The following SHISA9 variants were observed in gnomAD, a reference collection of about 807,000 sequenced individuals.
SHISA9 encodes the protein protein shisa-9.
In SHISA9, 13 loss-of-function variants were observed where a neutral mutation model predicts 38.0. That is an observed-to-expected ratio of 0.34 (90% CI 0.22 to 0.54). The LOEUF is 0.54. SHISA9 is among the 20% of genes least tolerant of loss of function. The pLI, the probability that SHISA9 is intolerant of heterozygous loss-of-function variation, is 0.91. For synonymous variants in SHISA9, 275 were observed against 242.0 expected, an observed-to-expected ratio of 1.14 and a Z score of -1.27; for missense variants, 538 against 575.8, an observed-to-expected ratio of 0.93 and a Z score of 0.67.
chr16:13,258,296 A>G, the SHISA9 span: 4 of 152,218 alleles, frequency 2.6e-5, no homozygotes, highest in African/African-American at 9.6e-5. Flanking sequence ...GGTCACAGCC[A>G]TTTGTTAACT....
At chr16:13,472,532 C>T in the SHISA9 span, among the ~76,000 whole-genome samples, 2 of 151,596 alleles carry the variant, frequency 1.3e-5, no homozygotes, top group East Asian at 1.9e-4. Context: ...GCTGGGACTA[C>T]AGGCACCCGC....
At chr16:13,437,977 C>T in the SHISA9 span, among the ~76,000 whole-genome samples, 10 of 135,976 alleles carry the variant, frequency 7.4e-5, no homozygotes, top group South Asian at 1.7e-3. Context: ...GCCATTTTCC[C>T]GTCTCAGCCT....
At chr16:13,083,703 G>A (rs558703842) in intron 2 of SHISA9, among the ~76,000 whole-genome samples, 2 of 152,252 alleles carry the variant, frequency 1.3e-5, no homozygotes, top group East Asian at 3.9e-4. Context: ...CATTGACTAT[G>A]GGCTGCCTTG....
intron 2 of SHISA9, among the ~76,000 whole-genome samples, chr16:12,976,500 C>T (rs1023817442): frequency 3.3e-5 from 5 of 152,132 alleles, no homozygotes; most frequent in African/African-American, 1.2e-4. Flanking sequence ...CTGAGCATTG[C>T]TTTCTGACTA....
chr16:13,183,007 G>C (rs923943117), intron 2 of SHISA9, among the ~76,000 whole-genome samples: 2 of 152,032 alleles, frequency 1.3e-5, no homozygotes, highest in African/African-American at 4.8e-5. Context: ...TAGGGCTGTT[G>C]GCTGGAACAT....
the SHISA9 span, among the ~76,000 whole-genome samples, chr16:13,255,037 C>T: frequency 1.3e-5 from 2 of 151,968 alleles, no homozygotes; most frequent in Non-Finnish European, 2.9e-5. Context: ...TTCTTCTTTG[C>T]TCCTCTATCT....
At chr16:13,481,312 TG>T in the SHISA9 span, among the ~76,000 whole-genome samples, 53,217 of 152,092 alleles carry the variant, frequency 0.35, 10,445 homozygotes, top group South Asian at 0.55. Flanking sequence ...CATTTCTATA[TG>T]TTGGGTACAT....
At position 13,170,742 on chromosome 16, in the gene SHISA9, C is replaced by T. The variant is rs541524194; in HGVS notation, c.692-32652C>T. ...TGCCATCTCGGCTCACTGCAACCTC[C>T]ACCTCCTGAGTTCAAGCCATTTTCC... On this transcript the variant is annotated intron_variant, in intron 2 of 4. Coordinates refer to ENST00000558583, the MANE Select transcript of SHISA9 (RefSeq NM_001145204.3). Among the ~76,000 whole-genome samples the T allele has an allele frequency of 2.6e-3, 396 of 152,230 alleles. 3 individuals are homozygous for T. The highest frequency in any genetic ancestry group is 9.0e-3 in the African/African-American group (373 of 41,538).
chr16:13,003,868 TAATA>T (rs199590955), intron 2 of SHISA9, among the ~76,000 whole-genome samples: 15,584 of 136,070 alleles, frequency 0.11, 1,223 homozygotes, highest in African/African-American at 0.24. Context: ...AAAATAATAA[TAATA>T]ATAATAATAA....
the SHISA9 span, among the ~76,000 whole-genome samples, chr16:13,392,139 C>T: frequency 6.6e-6 from 1 of 152,118 alleles, no homozygotes; most frequent in Non-Finnish European, 1.5e-5. Flanking sequence ...GTACCTCGAA[C>T]ATCCTAAATA....
chr16:13,301,528 G>A, the SHISA9 span, among the ~76,000 whole-genome samples: 1 of 152,206 alleles, frequency 6.6e-6, no homozygotes, highest in African/African-American at 2.4e-5. Flanking sequence ...ATGCACAGGT[G>A]AAGATTTTTA....
At chr16:12,992,565 A>G (rs576936795) in intron 2 of SHISA9, among the ~76,000 whole-genome samples, 4 of 151,940 alleles carry the variant, frequency 2.6e-5, no homozygotes, top group Non-Finnish European at 5.9e-5. Context: ...AAAAAACCCA[A>G]AACAAAAATA....
chr16:13,534,522 G>C, the SHISA9 span, among the ~76,000 whole-genome samples: 5 of 152,136 alleles, frequency 3.3e-5, no homozygotes, highest in African/African-American at 1.2e-4. Context: ...ACCATGCCAG[G>C]CCCACAGAAT....
At chr16:13,434,297 C>T in the SHISA9 span, among the ~76,000 whole-genome samples, 1 of 152,200 alleles carries the variant, frequency 6.6e-6, no homozygotes, top group Non-Finnish European at 1.5e-5. Flanking sequence ...AGTCCACTGA[C>T]TCAGATGTTC....
intron 2 of SHISA9, among the ~76,000 whole-genome samples, chr16:13,151,141 C>CTG (rs2050495599): frequency 6.6e-6 from 1 of 152,192 alleles, no homozygotes; most frequent in Non-Finnish European, 1.5e-5. Context: ...GAGTCTTGCT[C>CTG]TGTCACCCAG....
chr16:13,029,249 T>C (rs906741143), intron 2 of SHISA9, among the ~76,000 whole-genome samples: 1 of 152,140 alleles, frequency 6.6e-6, no homozygotes, highest in African/African-American at 2.4e-5. Flanking sequence ...TGTCCATCAG[T>C]TGATGAATGG....
chr16:13,003,886 T>TAAGAAGAAGAAGAAG (rs758652679), intron 2 of SHISA9, among the ~76,000 whole-genome samples: 7 of 146,038 alleles, frequency 4.8e-5, no homozygotes, highest in African/African-American at 1.8e-4. Context: ...ATAATAATAA[T>TAAGAAGAAGAAGAAG]AATAAGAAGA....
intron 2 of SHISA9, among the ~76,000 whole-genome samples, chr16:13,084,797 T>C (rs186397858): frequency 1.3e-5 from 2 of 152,154 alleles, no homozygotes; most frequent in East Asian, 3.9e-4. Flanking sequence ...AATGGAGATA[T>C]AAAGAATGAA....
the SHISA9 span, among the ~76,000 whole-genome samples, chr16:13,556,812 A>T: frequency 1.3e-5 from 2 of 152,172 alleles, no homozygotes; most frequent in Admixed American, 6.5e-5. Flanking sequence ...AAAAATACAA[A>T]TTTTTTCAAT....
Sources: gnomAD v4.1 joint callset for allele counts (sites outside exome capture counted in the v4.1 genomes callset) on GRCh38, gnomAD v4.1.1 for gene constraint, MANE v1.5 for transcripts, NCBI Gene and HGNC (gene_info 2026-07-23, HGNC 2026-07-21) for gene names.